SLC39A11: variants seen among roughly 807,000 people sequenced by gnomAD.
SLC39A11 encodes zinc transporter ZIP11.
Under a neutral mutation model 36.1 loss-of-function variants are expected in SLC39A11, and 33 were observed. The ratio of observed to expected loss-of-function variants is 0.91; its 90% CI spans 0.69 to 1.22. SLC39A11 has a LOEUF of 1.22. Ranked by LOEUF, SLC39A11 falls within the 50% of genes most tolerant of loss-of-function variation. SLC39A11 has a pLI of 0.00. For missense variants in SLC39A11, 432 were observed against 430.3 expected (o/e 1.00, Z -0.03); for synonymous variants, 166 against 170.3 (o/e 0.97, Z 0.20).
chr17:72,831,308 G>A (rs1209732057), intron 6 of SLC39A11, among the ~76,000 whole-genome samples: 1 of 152,156 alleles, frequency 6.6e-6, no homozygotes, highest in Non-Finnish European at 1.5e-5. Flanking sequence ...GCAGCAGAAA[G>A]GAAATGGAAT....
chr17:72,900,390 T>G (rs2082331175), intron 5 of SLC39A11, among the ~76,000 whole-genome samples: 1 of 145,568 alleles, frequency 6.9e-6, no homozygotes, highest in Non-Finnish European at 1.5e-5. Flanking sequence ...AGAAGGAGGG[T>G]GCCAGGATTA....
intron 3 of SLC39A11, among the ~76,000 whole-genome samples, chr17:73,065,780 A>C (rs1234844437): frequency 6.6e-6 from 1 of 152,224 alleles, no homozygotes; most frequent in South Asian, 2.1e-4. Flanking sequence ...CATTAGGCTT[A>C]ACTGGGGCTT....
intron 4 of SLC39A11, among the ~76,000 whole-genome samples, chr17:73,015,131 T>C (rs2090739014): frequency 6.6e-6 from 1 of 152,218 alleles, no homozygotes. Context: ...TCACAGCCAC[T>C]GAAGTCTGAA....
intron 5 of SLC39A11, among the ~76,000 whole-genome samples, chr17:72,926,954 A>C (rs1364609077): frequency 1.4e-5 from 2 of 146,582 alleles, no homozygotes. Flanking sequence ...TGAATAAAAG[A>C]GACCACTACC....
rs550412199 is a variant in SLC39A11, at chr17:73,033,329, G to A, written c.148-1615C>T. 2.0e-5 allele frequency among the ~76,000 whole-genome samples: 3 copies of A among 152,314 alleles called. No individual in the cohort carries two copies. The South Asian group carries it at 6.2e-4, about 32-fold the overall frequency. On this transcript the variant is annotated intron_variant, in intron 3 of 9. Coordinates refer to ENST00000255559, the MANE Select transcript of SLC39A11 (RefSeq NM_139177.4). ...GTAGCAGATCCAGGGAAATGACCAA[G>A]CAGGACCATAACCAACTCAATGACG...
intron 7 of SLC39A11, among the ~76,000 whole-genome samples, chr17:72,678,764 C>T (rs530546040): frequency 9.5e-4 from 144 of 152,122 alleles, no homozygotes; most frequent in Non-Finnish European, 1.5e-3. Flanking sequence ...AGGGATTCAT[C>T]GATTCACAAA....
intron 4 of SLC39A11, among the ~76,000 whole-genome samples, chr17:72,968,464 A>G (rs1318737709): frequency 6.6e-6 from 1 of 152,212 alleles, no homozygotes; most frequent in African/African-American, 2.4e-5. Context: ...AAGGTCACAC[A>G]GAAGGAAGTG....
rs531067701 is a variant in SLC39A11 at position 72,806,627 on chromosome 17, G to T, written c.601+43007C>A. The stretch of plus-strand genomic sequence containing the variant: ...AGACTGAGTCCCTCTTTGTCGCCCA[G>T]ACTGGAGTAGAGTGGTGCGATCTTG... On this transcript the variant is annotated intron_variant, in intron 6 of 9. Coordinates refer to ENST00000255559, the MANE Select transcript of SLC39A11 (RefSeq NM_139177.4). 2.6e-5 allele frequency among the ~76,000 whole-genome samples: 4 copies of T among 152,236 alleles called. No homozygotes were observed. In the South Asian group the frequency reaches 6.2e-4, roughly 24 times the overall value.
chr17:72,739,500 C>T (rs2074582434), intron 6 of SLC39A11, among the ~76,000 whole-genome samples: 1 of 152,176 alleles, frequency 6.6e-6, no homozygotes, highest in Non-Finnish European at 1.5e-5. Context: ...AATGTCAGGA[C>T]ACGGAGTCCT....
intron 5 of SLC39A11, among the ~76,000 whole-genome samples, chr17:72,859,791 A>T (rs1001725942): frequency 7.2e-6 from 1 of 139,010 alleles, no homozygotes; most frequent in African/African-American, 2.7e-5. Context: ...GATCGAGACC[A>T]TCCTGGCTAA....
chr17:72,981,797 G>T (rs563564344), intron 4 of SLC39A11, among the ~76,000 whole-genome samples: 3 of 151,996 alleles, frequency 2.0e-5, no homozygotes, highest in Non-Finnish European at 2.9e-5. Context: ...TAATATTGCA[G>T]ATAATTTTCT....
intron 4 of SLC39A11, among the ~76,000 whole-genome samples, chr17:73,023,396 C>G (rs2148608548): frequency 6.6e-6 from 1 of 152,282 alleles, no homozygotes; most frequent in Non-Finnish European, 1.5e-5. Context: ...TGCCTGTAAT[C>G]CCAACACTGT....
chr17:72,805,764 T>C (rs2077230706), intron 6 of SLC39A11, among the ~76,000 whole-genome samples: 1 of 151,438 alleles, frequency 6.6e-6, no homozygotes, highest in Admixed American at 6.6e-5. Context: ...TTTTTTTTTT[T>C]CTGAGATGGA....
chr17:72,941,862 CTATTTATTTATTTATT>C (rs141344356), intron 5 of SLC39A11, among the ~76,000 whole-genome samples: 7 of 144,684 alleles, frequency 4.8e-5, no homozygotes, highest in African/African-American at 1.8e-4. Context: ...TTGCTTCATT[CTATTTATTTATTTATT>C]TATTTATTTA....
chr17:73,022,832 C>G (rs926344069), intron 4 of SLC39A11, among the ~76,000 whole-genome samples: 7 of 152,086 alleles, frequency 4.6e-5, no homozygotes, highest in African/African-American at 1.4e-4. Flanking sequence ...AATGCCAGCT[C>G]TCTCCAAACT....
intron 4 of SLC39A11, among the ~76,000 whole-genome samples, chr17:72,997,200 G>C (rs146621072): frequency 6.6e-6 from 1 of 152,030 alleles, no homozygotes; most frequent in Non-Finnish European, 1.5e-5. Context: ...TACACTTTGT[G>C]CCACAGCAAC....
rs867101090 is a variant in SLC39A11, at chr17:72,939,218, C to T, written c.430+8534G>A. Among the ~76,000 whole-genome samples, 15 of 152,216 alleles carry T rather than the reference C, an allele frequency of 9.9e-5. 1 individual carries two copies. The South Asian group carries it at 2.7e-3, about 27-fold the overall frequency. ...GCTCACGCCTATAATCCCAGCACTC[C>T]GGGAGGCCGAGGTGGGTGGGTCACC... On this transcript the variant is annotated intron_variant, in intron 5 of 9. Coordinates refer to ENST00000255559, the MANE Select transcript of SLC39A11 (RefSeq NM_139177.4).
chr17:72,967,135 T>G (rs951528321), intron 4 of SLC39A11, among the ~76,000 whole-genome samples: 14 of 152,114 alleles, frequency 9.2e-5, no homozygotes, highest in Non-Finnish European at 1.5e-4. Context: ...GTGAGTTATA[T>G]AATCATTTCA....
At chr17:72,922,357 G>A (rs1296569426) in intron 5 of SLC39A11, among the ~76,000 whole-genome samples, 1 of 152,202 alleles carries the variant, frequency 6.6e-6, no homozygotes, top group Non-Finnish European at 1.5e-5. Flanking sequence ...TAATGATCCA[G>A]AACATATAGT....
Sources: gnomAD v4.1 joint callset for allele counts (sites outside exome capture counted in the v4.1 genomes callset) on GRCh38, gnomAD v4.1.1 for gene constraint, MANE v1.5 for transcripts, NCBI Gene and HGNC (gene_info 2026-07-23, HGNC 2026-07-21) for gene names.